Variants in DCC observed in about 807,000 individuals in gnomAD.
The protein encoded by DCC is netrin receptor DCC.
A neutral mutation model predicts 172.5 loss-of-function variants in DCC; 58 were observed. The ratio of observed to expected loss-of-function variants is 0.34; its 90% confidence interval spans 0.27 to 0.42. The LOEUF (loss-of-function observed/expected upper bound fraction) is 0.42. Ranked by LOEUF, DCC falls within the 10% of genes least tolerant of loss-of-function variation. DCC has a pLI of 1.00. For missense variants in DCC, 1,740 were observed against 1,791.0 expected (o/e 0.97, Z 0.51); for synonymous variants, 709 against 644.5 (o/e 1.10, Z -1.52).
chr18:53,265,732 C>T (rs574168346), intron 12 of DCC, among the ~76,000 whole-genome samples: 1 of 152,316 alleles, frequency 6.6e-6, no homozygotes, highest in East Asian at 1.9e-4. Context: ...TTCTCAGCTC[C>T]GATCTGTTAT....
At chr18:52,820,273 A>G (rs557248685) in intron 2 of DCC, among the ~76,000 whole-genome samples, 2 of 152,314 alleles carry the variant, frequency 1.3e-5, no homozygotes, top group South Asian at 4.2e-4. Flanking sequence ...TTAATGAGTG[A>G]TGAAACTGAT....
Position 53,533,115 on chromosome 18 carries a change from T to A in DCC, c.*2462T>A, listed in dbSNP as rs1219668644. The A allele has an allele frequency of 6.6e-6, 1 of 152,208 alleles. No individual in the cohort carries two copies. The highest frequency in any genetic ancestry group is 1.5e-5 in the Non-Finnish European group (1 of 68,038). 9.4% of individuals were successfully genotyped at this position (152,208 alleles called of 1,614,324 possible). On this transcript the variant is annotated 3_prime_UTR_variant, in exon 29 of 29. Transcript: ENST00000442544. ...CTGGTAGTATTAATATACAATGATG[T>A]CACCACAACTTTTGTATAACTCTGT... is the stretch of plus-strand genomic sequence containing the variant.
intron 7 of DCC, 83 bp from the exon 8 acceptor site, chr18:53,157,273 G>T: frequency 6.5e-7 from 1 of 1,542,972 alleles, no homozygotes; most frequent in Non-Finnish European, 8.9e-7. Context: ...GGAGATGCTT[G>T]CTAATAGGTT....
chr18:53,296,217 T>C (rs1450261243), intron 12 of DCC, among the ~76,000 whole-genome samples: 1 of 152,198 alleles, frequency 6.6e-6, no homozygotes, highest in Admixed American at 6.6e-5. Context: ...CCACTTCTGC[T>C]TTTCTTTATT....
chr18:53,386,942 A>G (rs75203408), intron 16 of DCC, among the ~76,000 whole-genome samples: 1 of 152,208 alleles, frequency 6.6e-6, no homozygotes, highest in Non-Finnish European at 1.5e-5. Context: ...AACCCCTGCC[A>G]CAGACTTATG....
chr18:52,370,419 A>T (rs927649489), intron 1 of DCC, among the ~76,000 whole-genome samples: 3 of 152,214 alleles, frequency 2.0e-5, no homozygotes, highest in African/African-American at 7.2e-5. Flanking sequence ...TTCAGGGACT[A>T]GGATGGAGCT....
At chr18:53,039,529 G>T (rs1407600083) in intron 5 of DCC, among the ~76,000 whole-genome samples, 2 of 151,924 alleles carry the variant, frequency 1.3e-5, no homozygotes, top group Non-Finnish European at 2.9e-5. Flanking sequence ...TGTGATTATT[G>T]TTTTTTGGGA....
intron 5 of DCC, among the ~76,000 whole-genome samples, chr18:52,928,110 T>C (rs747770795): frequency 3.9e-5 from 6 of 152,150 alleles, no homozygotes; most frequent in Non-Finnish European, 8.8e-5. Context: ...TCATGGCCTT[T>C]GCTGCAACAT....
intron 16 of DCC, 52 bp downstream of exon 16, chr18:53,386,190 A>G (rs747521572): frequency 8.3e-7 from 1 of 1,197,950 alleles, no homozygotes; most frequent in Non-Finnish European, 1.2e-6. Context: ...ATTTATGGTG[A>G]AAAAAGAAAA....
At chr18:52,733,670 T>C (rs1216169321) in intron 1 of DCC, among the ~76,000 whole-genome samples, 1 of 152,094 alleles carries the variant, frequency 6.6e-6, no homozygotes, top group African/African-American at 2.4e-5. Flanking sequence ...ATTTTTTAAA[T>C]GTTTTTGTAA....
chr18:53,162,317 T>G (rs1211916001), intron 8 of DCC, among the ~76,000 whole-genome samples: 1 of 129,174 alleles, frequency 7.7e-6, no homozygotes, highest in Non-Finnish European at 1.7e-5. Context: ...AAAAAAAAAT[T>G]AAGACCAGAA....
At chr18:52,567,123 A>G (rs2033178591) in intron 1 of DCC, among the ~76,000 whole-genome samples, 1 of 152,188 alleles carries the variant, frequency 6.6e-6, no homozygotes. Flanking sequence ...GTGTTTTAAC[A>G]CAAAATTATA....
At chr18:53,310,175 AGGG>A (rs2057250001) in intron 13 of DCC, among the ~76,000 whole-genome samples, 1 of 152,060 alleles carries the variant, frequency 6.6e-6, no homozygotes, top group Non-Finnish European at 1.5e-5. Flanking sequence ...TTAAGGAACC[AGGG>A]AGCGCTACAT....
intron 1 of DCC, among the ~76,000 whole-genome samples, chr18:52,550,870 A>G (rs1598906840): frequency 6.6e-6 from 1 of 152,002 alleles, no homozygotes; most frequent in South Asian, 2.1e-4. Flanking sequence ...CGATCTTCAC[A>G]ACTTTTCTGT....
At chr18:53,458,480 G>T (rs2045510278) in intron 23 of DCC, among the ~76,000 whole-genome samples, 1 of 152,204 alleles carries the variant, frequency 6.6e-6, no homozygotes, top group Admixed American at 6.5e-5. Flanking sequence ...CATGAACATT[G>T]TGTTACTTCA....
At chr18:53,351,731 C>G (rs1000951603) in intron 15 of DCC, among the ~76,000 whole-genome samples, 4 of 151,330 alleles carry the variant, frequency 2.6e-5, no homozygotes, top group African/African-American at 9.7e-5. Context: ...CTCTGTTTTT[C>G]AAGAAAATGT....
chr18:52,582,006 T>G (rs2033560995), intron 1 of DCC, among the ~76,000 whole-genome samples: 2 of 152,292 alleles, frequency 1.3e-5, no homozygotes, highest in South Asian at 4.1e-4. Context: ...TTCTACCGTA[T>G]GCAACTTTTT....
At chr18:53,268,779 A>T (rs1437332884) in intron 12 of DCC, among the ~76,000 whole-genome samples, 1 of 152,172 alleles carries the variant, frequency 6.6e-6, no homozygotes, top group African/African-American at 2.4e-5. Flanking sequence ...CCTGAACAGG[A>T]TGAGGGGCCA....
chr18:53,311,696 C>G (rs187415907), intron 13 of DCC, among the ~76,000 whole-genome samples: 1 of 152,292 alleles, frequency 6.6e-6, no homozygotes, highest in Admixed American at 6.5e-5. Context: ...TCAAATCATT[C>G]ACTATGCTAA....
Sources: gnomAD v4.1 joint callset for allele counts (sites outside exome capture counted in the v4.1 genomes callset) on GRCh38, gnomAD v4.1.1 for gene constraint, MANE v1.5 for transcripts, NCBI Gene and HGNC (gene_info 2026-07-23, HGNC 2026-07-21) for gene names.